Variants in PPP1R9A observed in about 807,000 individuals in gnomAD.
PPP1R9A encodes the protein neurabin-1.
A neutral mutation model predicts 141.9 loss-of-function variants in PPP1R9A; 59 were observed. That is an observed-to-expected ratio of 0.42 (90% CI 0.34 to 0.52). PPP1R9A has a LOEUF of 0.52. Ranked by LOEUF, PPP1R9A falls within the 20% of genes least tolerant of loss-of-function variation. PPP1R9A has a pLI of 0.10. For synonymous variants in PPP1R9A, 500 were observed against 569.7 expected, an observed-to-expected ratio of 0.88 and a Z score of 1.74; for missense variants, 1,444 against 1,611.9, an observed-to-expected ratio of 0.90 and a Z score of 1.78.
At chr7:95,155,313 A>C (rs1474908716) in intron 4 of PPP1R9A, 1 of 151,464 alleles carries the variant, frequency 6.6e-6, no homozygotes, top group East Asian at 2.0e-4. Context: ...CAGCCTCCCA[A>C]GTAGCTGGAC....
intron 4 of PPP1R9A, among the ~76,000 whole-genome samples, chr7:95,149,362 T>C (rs1828229406): frequency 6.6e-6 from 1 of 152,156 alleles, no homozygotes; most frequent in Admixed American, 6.5e-5. Flanking sequence ...TTTCTTACAG[T>C]TATTTTCTAG....
chr7:95,262,360 A>G (rs1800565703), intron 12 of PPP1R9A, among the ~76,000 whole-genome samples: 1 of 152,240 alleles, frequency 6.6e-6, no homozygotes, highest in African/African-American at 2.4e-5. Context: ...CTTTTCCATC[A>G]GAATCTAAAG....
chr7:95,193,994 T>G (rs527388827), intron 5 of PPP1R9A, among the ~76,000 whole-genome samples: 3 of 152,046 alleles, frequency 2.0e-5, no homozygotes, highest in Non-Finnish European at 4.4e-5. Context: ...AATTTACCTT[T>G]TACCTTGAGC....
At chr7:95,187,218 T>C (rs548848384) in intron 5 of PPP1R9A, among the ~76,000 whole-genome samples, 98 of 152,268 alleles carry the variant, frequency 6.4e-4, no homozygotes, top group Middle Eastern at 3.4e-3. Context: ...TGATCAGAGT[T>C]TTCATTTCTT....
At chr7:95,101,686 G>C (rs1362541392) in intron 2 of PPP1R9A, among the ~76,000 whole-genome samples, 1 of 152,076 alleles carries the variant, frequency 6.6e-6, no homozygotes, top group Non-Finnish European at 1.5e-5. Context: ...ACTGCTTAGC[G>C]GCACTAACAT....
At chr7:94,977,126 T>G (rs1014190099) in intron 2 of PPP1R9A, among the ~76,000 whole-genome samples, 6 of 152,078 alleles carry the variant, frequency 3.9e-5, no homozygotes, top group Non-Finnish European at 7.4e-5. Context: ...TAAGAGGGGA[T>G]CAAGGATATG....
rs541419491 is a variant in PPP1R9A, at chr7:95,139,215, G to A, written c.1649+18383G>A. Among the ~76,000 whole-genome samples, 3 of 152,162 alleles carry A rather than the reference G, an allele frequency of 2.0e-5. No individual in the cohort carries two copies. The South Asian group carries it at 6.2e-4, about 32-fold the overall frequency. ...GAGGCCTCAGGAAACTTATAGTCAT[G>A]GCAGAAGGCACCTCCTCACAGGGCA... On this transcript the variant is annotated intron_variant, in intron 4 of 19. Transcript: ENST00000433360.
chr7:95,241,494 T>C (rs1393851463), intron 8 of PPP1R9A, among the ~76,000 whole-genome samples: 1 of 152,142 alleles, frequency 6.6e-6, no homozygotes, highest in East Asian at 1.9e-4. Flanking sequence ...CTGTTGTTTT[T>C]AGTTGTGGTG....
At chr7:95,216,995 C>T (rs1334633409) in intron 7 of PPP1R9A, among the ~76,000 whole-genome samples, 3 of 152,088 alleles carry the variant, frequency 2.0e-5, no homozygotes, top group East Asian at 1.9e-4. Context: ...CCAGAACTTC[C>T]AACACTATGT....
intron 2 of PPP1R9A, among the ~76,000 whole-genome samples, chr7:95,072,832 TA>T (rs1258898731): frequency 1.8e-5 from 1 of 55,914 alleles, no homozygotes; most frequent in East Asian, 4.9e-4. Flanking sequence ...ATTATATATA[TA>T]ATAATTATTA....
intron 2 of PPP1R9A, among the ~76,000 whole-genome samples, chr7:94,922,886 A>G (rs1258118534): frequency 6.6e-6 from 1 of 152,194 alleles, no homozygotes; most frequent in Non-Finnish European, 1.5e-5. Flanking sequence ...ATCAGCAATA[A>G]CAACATAAGG....
chr7:95,135,853 ACTTTTTTTTTTTTTTTTTTTTT>A (rs1825561057), intron 4 of PPP1R9A, among the ~76,000 whole-genome samples: 2 of 74,998 alleles, frequency 2.7e-5, no homozygotes, highest in African/African-American at 1.1e-4. Flanking sequence ...TTTCAGCTTT[ACTTTTTTTTTTTTTTTTTTTTT>A]TTTTGCTGGA....
intron 4 of PPP1R9A, among the ~76,000 whole-genome samples, chr7:95,128,778 A>G (rs1267494650): frequency 6.6e-6 from 1 of 152,106 alleles, no homozygotes; most frequent in East Asian, 1.9e-4. Context: ...GGTTTCTACC[A>G]TGTTGGTCAG....
chr7:95,265,555 A>G (rs1258244000), intron 12 of PPP1R9A, among the ~76,000 whole-genome samples: 2 of 152,322 alleles, frequency 1.3e-5, no homozygotes, highest in Non-Finnish European at 1.5e-5. Context: ...TTCCGTGTAC[A>G]CACGTGTCCT....
chr7:95,274,572 A>G (rs1802814723), intron 16 of PPP1R9A, among the ~76,000 whole-genome samples: 1 of 152,174 alleles, frequency 6.6e-6, no homozygotes, highest in Non-Finnish European at 1.5e-5. Flanking sequence ...TACCTTGTTG[A>G]CATTCAAGAT....
chr7:95,142,062 G>A (rs1298222146), intron 4 of PPP1R9A, among the ~76,000 whole-genome samples: 1 of 151,986 alleles, frequency 6.6e-6, no homozygotes, highest in East Asian at 1.9e-4. Flanking sequence ...TATTGAGTGG[G>A]TATGAAGTAT....
intron 2 of PPP1R9A, among the ~76,000 whole-genome samples, chr7:94,957,657 G>GA (rs977541913): frequency 6.6e-6 from 1 of 151,956 alleles, no homozygotes; most frequent in African/African-American, 2.4e-5. Context: ...TTTAACAAAA[G>GA]AAAGAATCTG....
chr7:94,931,295 G>C (rs1169271320), intron 2 of PPP1R9A, among the ~76,000 whole-genome samples: 1 of 152,134 alleles, frequency 6.6e-6, no homozygotes, highest in Non-Finnish European at 1.5e-5. Context: ...TAAGTTACAG[G>C]AACGCTATTG....
intron 7 of PPP1R9A, among the ~76,000 whole-genome samples, chr7:95,208,956 T>TAAAAAAAAAAAAA (rs10670515): frequency 4.2e-4 from 32 of 76,824 alleles, no homozygotes; most frequent in Non-Finnish European, 5.2e-4. Flanking sequence ...ATAGCAAAAC[T>TAAAAAAAAAAAAA]AAAAAAAAAA....
Sources: allele counts gnomAD v4.1 joint callset (sites outside exome capture counted in the v4.1 genomes callset), GRCh38; gene constraint gnomAD v4.1.1; transcripts MANE v1.5; gene names NCBI Gene and HGNC (gene_info 2026-07-23, HGNC 2026-07-21).